Variants in HHAT observed in about 807,000 individuals in gnomAD.
The protein encoded by HHAT is hedgehog acyltransferase.
HHAT carries 47 observed loss-of-function variants against 70.8 expected under a neutral mutation model. The ratio of observed to expected loss-of-function variants is 0.66; its 90% CI spans 0.53 to 0.85. The LOEUF (loss-of-function observed/expected upper bound fraction) is 0.85. HHAT is among the 40% of genes least tolerant of loss of function. HHAT has a pLI of 0.00. For synonymous variants in HHAT, 228 were observed against 247.6 expected (o/e 0.92, Z 0.74); for missense variants, 609 against 604.8 (o/e 1.01, Z -0.07).
intron 11 of HHAT, among the ~76,000 whole-genome samples, chr1:210,626,329 G>A (rs1202754182): frequency 6.6e-6 from 1 of 152,198 alleles, no homozygotes; most frequent in Non-Finnish European, 1.5e-5. Context: ...GCTATGGTCT[G>A]TGACTGAACG....
chr1:210,562,692 A>C (rs367655478), intron 9 of HHAT, among the ~76,000 whole-genome samples: 1 of 151,328 alleles, frequency 6.6e-6, no homozygotes, highest in African/African-American at 2.4e-5. Flanking sequence ...TTTAGAGTAC[A>C]TGTGCACAAT....
intron 7 of HHAT, among the ~76,000 whole-genome samples, chr1:210,447,366 G>A (rs1451751470): frequency 1.3e-5 from 2 of 152,150 alleles, no homozygotes; most frequent in Non-Finnish European, 2.9e-5. Flanking sequence ...CTTGGAAAAA[G>A]GGAAAATACA....
chr1:210,340,273 C>T (rs1317144612), intron 1 of HHAT, among the ~76,000 whole-genome samples: 1 of 122,272 alleles, frequency 8.2e-6, no homozygotes, highest in African/African-American at 3.0e-5. Flanking sequence ...AAAAAAGACT[C>T]AAGTGGGGTT....
chr1:210,453,797 A>C (rs2093804196), intron 7 of HHAT, among the ~76,000 whole-genome samples: 1 of 152,316 alleles, frequency 6.6e-6, no homozygotes, highest in African/African-American at 2.4e-5. Context: ...TTAATTTCCA[A>C]TTCAGTCTAC....
At chr1:210,411,376 C>T (rs544425567) in intron 6 of HHAT, among the ~76,000 whole-genome samples, 28 of 152,296 alleles carry the variant, frequency 1.8e-4, no homozygotes, top group African/African-American at 6.5e-4. Context: ...AAACTGTAGA[C>T]ATTTGTCTGT....
At chr1:210,505,776 G>A (rs1328744037) in intron 8 of HHAT, among the ~76,000 whole-genome samples, 2 of 152,206 alleles carry the variant, frequency 1.3e-5, no homozygotes, top group Non-Finnish European at 2.9e-5. Context: ...AGGATTGACA[G>A]CTAAATTTTG....
At chr1:210,483,945 A>T (rs1028383) in intron 8 of HHAT, among the ~76,000 whole-genome samples, 34,803 of 152,132 alleles carry the variant, frequency 0.23, 4,112 homozygotes, top group Non-Finnish European at 0.25. Context: ...CAGGGAAAAA[A>T]ATACTAGTTA....
chr1:210,634,654 G>T (rs1199010702), intron 11 of HHAT, among the ~76,000 whole-genome samples: 1 of 152,144 alleles, frequency 6.6e-6, no homozygotes, highest in African/African-American at 2.4e-5. Flanking sequence ...TAACAAAATT[G>T]TTCCTGATCT....
intron 7 of HHAT, among the ~76,000 whole-genome samples, chr1:210,428,495 T>A (rs943859865): frequency 2.6e-5 from 4 of 151,280 alleles, no homozygotes; most frequent in Non-Finnish European, 2.9e-5. Context: ...AATCTAGGAC[T>A]ACACATTGGA....
At chr1:210,583,082 T>C (rs953077590) in intron 9 of HHAT, among the ~76,000 whole-genome samples, 1 of 152,162 alleles carries the variant, frequency 6.6e-6, no homozygotes, top group Admixed American at 6.5e-5. Context: ...CTCTCCTATA[T>C]AAAATAGGCC....
Position 210,400,520 on chromosome 1 carries a change from T to TG in HHAT, c.330dup (p.Thr111AspfsTer46). ...GGGATGTGGGCCTGCTGGTGTGTGC[T>TG]GGGGACCCCTGGTGTGGCTATGGTT... On this transcript the variant is annotated frameshift_variant, in exon 5 of 12. Coordinates refer to ENST00000261458, the MANE Select transcript of HHAT (RefSeq NM_018194.6). LOFTEE classifies it high-confidence loss of function. The TG allele has an allele frequency of 6.2e-7, 1 of 1,614,096 alleles. No individual in the cohort carries two copies. The highest frequency in any genetic ancestry group is 8.5e-7 in the Non-Finnish European group (1 of 1,179,994).
chr1:210,562,861 T>C (rs1183057809), intron 9 of HHAT, among the ~76,000 whole-genome samples: 3 of 136,304 alleles, frequency 2.2e-5, no homozygotes. Context: ...TGTGTCCATG[T>C]GTTCTCATTG....
intron 8 of HHAT, among the ~76,000 whole-genome samples, chr1:210,499,793 CTTG>C (rs1410946208): frequency 6.6e-6 from 1 of 152,112 alleles, no homozygotes; most frequent in Admixed American, 6.6e-5. Context: ...AGTAGGAGAG[CTTG>C]TTGTTTTAAA....
At chr1:210,393,498 G>T (rs959148899) in intron 4 of HHAT, among the ~76,000 whole-genome samples, 2 of 152,188 alleles carry the variant, frequency 1.3e-5, no homozygotes, top group African/African-American at 2.4e-5. Flanking sequence ...GATGTTGTTG[G>T]CTGGGCACGT....
intron 9 of HHAT, among the ~76,000 whole-genome samples, chr1:210,535,180 GT>G (rs2095357879): frequency 6.6e-6 from 1 of 152,168 alleles, no homozygotes; most frequent in Admixed American, 6.5e-5. Context: ...GGAGCTCTGG[GT>G]TATAGGACCT....
chr1:210,671,429 G>GCTA (rs963044675), intron 11 of HHAT, among the ~76,000 whole-genome samples: 1 of 152,186 alleles, frequency 6.6e-6, no homozygotes, highest in African/African-American at 2.4e-5. Context: ...AAAGTACCTG[G>GCTA]CTGTATTGAG....
At chr1:210,453,379 A>G (rs188499495) in intron 7 of HHAT, among the ~76,000 whole-genome samples, 33 of 152,334 alleles carry the variant, frequency 2.2e-4, no homozygotes, top group Non-Finnish European at 4.4e-4. Context: ...TCAATTACAG[A>G]TATTCTATGT....
At chr1:210,630,943 C>A in intron 11 of HHAT, 2 of 422,452 alleles carry the variant, frequency 4.7e-6, no homozygotes, top group Non-Finnish European at 4.7e-6. Flanking sequence ...AATTTTGAGC[C>A]CCTAGATCGA....
intron 10 of HHAT, among the ~76,000 whole-genome samples, chr1:210,621,866 GC>G (rs1380275793): frequency 6.6e-6 from 1 of 152,094 alleles, no homozygotes; most frequent in African/African-American, 2.4e-5. Context: ...TTCTCTGTGA[GC>G]AGGCCACACT....
Sources: allele counts gnomAD v4.1 joint callset (sites outside exome capture counted in the v4.1 genomes callset), GRCh38; gene constraint gnomAD v4.1.1; transcripts MANE v1.5; gene names NCBI Gene and HGNC (gene_info 2026-07-23, HGNC 2026-07-21).